PREPL: variants seen among roughly 807,000 people sequenced by gnomAD.
PREPL encodes the protein prolyl endopeptidase-like.
PREPL carries 77 observed loss-of-function variants against 70.6 expected under a neutral mutation model. The observed-to-expected ratio is 1.09, with a 90% CI of 0.91 to 1.32. The LOEUF (loss-of-function observed/expected upper bound fraction) is 1.32. Ranked by LOEUF, PREPL falls within the 40% of genes most tolerant of loss-of-function variation. The pLI is 0.00. For missense variants in PREPL, 1,002 were observed against 778.2 expected, an observed-to-expected ratio of 1.29 and a Z score of -3.42; for synonymous variants, 315 against 264.8, an observed-to-expected ratio of 1.19 and a Z score of -1.84.
At chr2:44,342,914 G>A (rs971780176) in intron 4 of PREPL, among the ~76,000 whole-genome samples, 1 of 152,146 alleles carries the variant, frequency 6.6e-6, no homozygotes, top group Admixed American at 6.6e-5. Context: ...AAGGAATATT[G>A]CATCTTTCTC....
intron 1 of PREPL, among the ~76,000 whole-genome samples, chr2:44,351,710 A>G (rs1676462589): frequency 6.6e-6 from 1 of 152,100 alleles, no homozygotes; most frequent in Non-Finnish European, 1.5e-5. Flanking sequence ...CACTTCTCAC[A>G]CTTGGACTGG....
chr2:44,357,015 A>G (rs1677121380), intron 1 of PREPL, among the ~76,000 whole-genome samples: 1 of 152,200 alleles, frequency 6.6e-6, no homozygotes, highest in Non-Finnish European at 1.5e-5. Flanking sequence ...CATGTTGCCA[A>G]GGCTGGTCTC....
intron 1 of PREPL, among the ~76,000 whole-genome samples, chr2:44,349,187 A>C (rs375707588): frequency 1.2e-4 from 19 of 152,328 alleles, no homozygotes; most frequent in African/African-American, 4.6e-4. Flanking sequence ...CTGAACTCTA[A>C]AGATAGAAAA....
intron 8 of PREPL, among the ~76,000 whole-genome samples, chr2:44,331,749 A>G (rs771648791): frequency 6.6e-6 from 1 of 152,090 alleles, no homozygotes. Context: ...GACTTTTTAA[A>G]CATGTCATCT....
intron 7 of PREPL, among the ~76,000 whole-genome samples, chr2:44,333,756 A>G (rs759985196): frequency 6.6e-6 from 1 of 152,250 alleles, no homozygotes; most frequent in South Asian, 2.1e-4. Flanking sequence ...AATTTAAGCC[A>G]TAACTGGAGA....
chr2:44,342,575 TTATACA>T, intron 4 of PREPL, 23 bp from the exon 5 acceptor site: 1 of 1,528,224 alleles, frequency 6.5e-7, no homozygotes, highest in Non-Finnish European at 8.9e-7. Flanking sequence ...AATGAGATAA[TTATACA>T]TAATCACCTA....
At position 44,320,684 on chromosome 2, in the gene PREPL, G is replaced by GT. The variant is rs1672862431; in HGVS notation, c.*671dup. ...AAGACACTGGCATTTCAGTGGGATTGTAAGCATTTGTAATAGCTTCATGTA... is the reference window on the plus strand; with the variant it reads ...AAGACACTGGCATTTCAGTGGGATTGTTAAGCATTTGTAATAGCTTCATGTA... On this transcript the variant is annotated 3_prime_UTR_variant, in exon 14 of 14. Transcript: ENST00000409411. The GT allele has an allele frequency of 1.4e-6, 2 of 1,415,926 alleles. No individual in the cohort carries two copies. The highest frequency in any genetic ancestry group is 2.0e-6 in the Non-Finnish European group (2 of 1,000,090). 87.7% of individuals were successfully genotyped at this position (1,415,926 alleles called of 1,614,324 possible). A position where few individuals can be genotyped will look rare whatever the true frequency, so the allele number is the denominator to read the frequency against.
At chr2:44,356,482 T>C (rs1446075394) in intron 1 of PREPL, 2 of 151,836 alleles carry the variant, frequency 1.3e-5, no homozygotes, top group African/African-American at 2.4e-5. Flanking sequence ...GAGGTGGAGG[T>C]TGCAGTGAGC....
At chr2:44,330,047 TCTC>T (rs1673934468) in intron 8 of PREPL, among the ~76,000 whole-genome samples, 2 of 152,140 alleles carry the variant, frequency 1.3e-5, no homozygotes, top group African/African-American at 2.4e-5. Context: ...AGGAGGAAAT[TCTC>T]CTCTCATTCT....
chr2:44,347,943 G>A (rs1354572157), intron 1 of PREPL, among the ~76,000 whole-genome samples: 1 of 151,930 alleles, frequency 6.6e-6, no homozygotes, highest in South Asian at 2.1e-4. Context: ...TTTCACAAAG[G>A]TTTTCCTTTT....
chr2:44,346,321 T>C lies in PREPL; in HGVS notation c.22A>G (p.Arg8Gly), dbSNP rs137924736. Reference sequence around the variant, plus strand: ...TGTGGCTGTGTTTCTAATTTTGTTCTCACTTTTTCAAATGCATCCATGTTT... The same window carrying C: ...TGTGGCTGTGTTTCTAATTTTGTTCCCACTTTTTCAAATGCATCCATGTTT... Reference protein sequence around the residue: MDAFEKVRTKLETQPQEE... With the variant: MDAFEKVGTKLETQPQEE... The change falls in exon 2 of 14, where the codon AGA becomes GGA. Residue 8 changes from arginine (R) to glycine (G), a missense_variant. Arg to Gly is a moderately radical substitution (Grantham distance 125). Transcript: ENST00000409411. The C allele has an allele frequency of 6.2e-6, 10 of 1,612,440 alleles. No homozygotes were observed. Among genetic ancestry groups the C allele is most frequent in the Non-Finnish European group, 8.5e-6 (10 of 1,178,820 alleles).
chr2:44,325,347 G>C (rs1437731200), intron 10 of PREPL, among the ~76,000 whole-genome samples: 1 of 152,232 alleles, frequency 6.6e-6, no homozygotes, highest in East Asian at 1.9e-4. Flanking sequence ...GGCAGTGTGA[G>C]GTGATTTGTG....
In PREPL at chr2:44,346,381, G is replaced by C. The variant is rs781599690; in HGVS notation, c.-39C>G. On this transcript the variant is annotated 5_prime_UTR_variant, in exon 2 of 14. Transcript: ENST00000409411. ...GGTTTTTCGTTTTCTTGTTTAACAG[G>C]CTGAAGATCCTGGAAAAAGTTTTGT... 8.1e-6 allele frequency: 13 copies of C among 1,610,886 alleles called. No individual in the cohort carries two copies. The highest frequency in any genetic ancestry group is 1.1e-5 in the Non-Finnish European group (13 of 1,179,168).
chr2:44,355,751 T>TTTTATATATATA (rs1396309969), intron 1 of PREPL, among the ~76,000 whole-genome samples: 1 of 141,362 alleles, frequency 7.1e-6, no homozygotes, highest in African/African-American at 2.7e-5. Flanking sequence ...AAACTACATA[T>TTTTATATATATA]TATATATATA....
Position 44,321,849 on chromosome 2 carries a change from A to G in PREPL, c.1805T>C (p.Val602Ala). The G allele has an allele frequency of 6.2e-7, 1 of 1,613,772 alleles. No individual in the cohort carries two copies. Among genetic ancestry groups the G allele is most frequent in the South Asian group, 1.1e-5 (1 of 91,068 alleles). ...ILDIQPGGNH[V>A]IEDSHKKITA... ...TACCTTTTTGTGAGAATCCTCAATTACATGATTGCCTCCAGGCTGAATATC... is the reference window on the plus strand; with the variant it reads ...TACCTTTTTGTGAGAATCCTCAATTGCATGATTGCCTCCAGGCTGAATATC... The change falls in exon 13 of 14, where the codon GTA (valine) becomes GCA (alanine). Residue 602 changes from valine to alanine, a missense_variant. Coordinates refer to ENST00000409411, the MANE Select transcript of PREPL (RefSeq NM_001171613.2).
In PREPL at chr2:44,318,480, G is replaced by A. The variant is rs957096250; in HGVS notation, c.*2876C>T. On this transcript the variant is annotated 3_prime_UTR_variant, in exon 14 of 14. Coordinates refer to ENST00000409411, the MANE Select transcript of PREPL (RefSeq NM_001171613.2). ...GTTCTATCAACTATGGGCCCAGTAT[G>A]CAGCTTTTAAAAATGACAGTTCTAT... 1 of 166,516 alleles carries A rather than the reference G, an allele frequency of 6.0e-6. No homozygotes were observed. Among genetic ancestry groups the A allele is most frequent in the African/African-American group, 2.4e-5 (1 of 41,520 alleles). 10.3% of individuals were successfully genotyped at this position (166,516 alleles called of 1,614,324 possible). A position where few individuals can be genotyped will look rare whatever the true frequency, so the allele number is the denominator to read the frequency against.
intron 2 of PREPL, among the ~76,000 whole-genome samples, chr2:44,345,510 C>A (rs1675701285): frequency 6.6e-6 from 1 of 151,608 alleles, no homozygotes; most frequent in South Asian, 2.1e-4. Context: ...TGCCACCATG[C>A]CTAATTTTTG....
At chr2:44,354,251 T>C (rs1676766087) in intron 1 of PREPL, among the ~76,000 whole-genome samples, 1 of 152,160 alleles carries the variant, frequency 6.6e-6, no homozygotes, top group African/African-American at 2.4e-5. Flanking sequence ...AAATTTATGG[T>C]TATATGAAAA....
Position 44,321,481 on chromosome 2 carries a change from C to G in PREPL, c.1828-36G>C, listed in dbSNP as rs545142172. On this transcript the variant is annotated intron_variant, in intron 13 of 13. Transcript: ENST00000409411. Reference sequence around the variant, plus strand: ...CACATTAAAAAAATTAAATAGAAGGCCTTTGTAGTAAAATGCCACTGTTTA... The same window carrying G: ...CACATTAAAAAAATTAAATAGAAGGGCTTTGTAGTAAAATGCCACTGTTTA... The G allele has an allele frequency of 1.4e-5, 22 of 1,594,286 alleles. No homozygotes were observed. In the South Asian group the frequency reaches 1.7e-4, roughly 12 times the overall value.
Sources: allele counts gnomAD v4.1 joint callset (sites outside exome capture counted in the v4.1 genomes callset), GRCh38; gene constraint gnomAD v4.1.1; transcripts MANE v1.5; gene names NCBI Gene and HGNC (gene_info 2026-07-23, HGNC 2026-07-21).